The following NTNG1 variants were observed in gnomAD, a reference collection of about 807,000 sequenced individuals.
The protein encoded by NTNG1 is netrin G1.
Under a neutral mutation model 54.0 loss-of-function variants are expected in NTNG1, and 16 were observed. The ratio of observed to expected loss-of-function variants is 0.30; its 90% confidence interval spans 0.20 to 0.45. The LOEUF is 0.45. NTNG1 is among the 20% of genes least tolerant of loss of function. The pLI, the probability that NTNG1 is intolerant of heterozygous loss-of-function variation, is 1.00. For missense variants in NTNG1, 530 were observed against 678.7 expected, an observed-to-expected ratio of 0.78 and a Z score of 2.43; for synonymous variants, 255 against 263.1, an observed-to-expected ratio of 0.97 and a Z score of 0.30.
chr1:107,274,222 T>A (rs1664328162), intron 2 of NTNG1, among the ~76,000 whole-genome samples: 1 of 152,188 alleles, frequency 6.6e-6, no homozygotes, highest in African/African-American at 2.4e-5. Flanking sequence ...CCAGGGCCCA[T>A]TCTGGGAAAA....
At chr1:107,342,849 G>A (rs962114596) in intron 3 of NTNG1, among the ~76,000 whole-genome samples, 1 of 151,756 alleles carries the variant, frequency 6.6e-6, no homozygotes, top group Non-Finnish European at 1.5e-5. Context: ...GATTTAGAAC[G>A]ACCAATAAAT....
At chr1:107,422,920 T>A (rs996537003) in intron 5 of NTNG1, among the ~76,000 whole-genome samples, 1 of 152,106 alleles carries the variant, frequency 6.6e-6, no homozygotes, top group Admixed American at 6.6e-5. Context: ...AAAACGAGGA[T>A]GCAAAGGAGA....
chr1:107,230,868 C>T (rs760994739), intron 2 of NTNG1, among the ~76,000 whole-genome samples: 37 of 152,086 alleles, frequency 2.4e-4, no homozygotes, highest in Non-Finnish European at 4.4e-4. Flanking sequence ...GCAGTACTAA[C>T]GAATTTCAAA....
chr1:107,430,603 C>T, intron 5 of NTNG1, 147 bp from the exon 6 acceptor site: 2 of 833,480 alleles, frequency 2.4e-6, no homozygotes, highest in Middle Eastern at 2.2e-4. Flanking sequence ...TCACAACCAC[C>T]TGTTGCCACC....
Position 107,324,502 on chromosome 1 carries a change from G to A in NTNG1, c.467G>A (p.Arg156His), listed in dbSNP as rs761581197. 2 of 1,613,716 alleles carry A rather than the reference G, an allele frequency of 1.2e-6. No homozygotes were observed. Among genetic ancestry groups the A allele is most frequent in the Admixed American group, 3.3e-5 (2 of 59,912 alleles). Residue 156 changes from arginine (R) to histidine (H), a missense_variant, in exon 3 of 8, where the codon CGT becomes CAT. By Grantham distance (29) the Arg-to-His change is conservative. Around this residue, in one of 2 missense-constraint regions of NTNG1, gnomAD observed 318 missense variants for 465.1 expected, o/e 0.68. Coordinates refer to ENST00000370068, the MANE Select transcript of NTNG1 (RefSeq NM_001113226.3). ...DNIVITFESGRPDQMILEKSL... is the reference protein window; with the variant it reads ...DNIVITFESGHPDQMILEKSL... Reference sequence around the variant, plus strand: ...ATAGTTATTACCTTTGAATCTGGGCGTCCAGACCAAATGATCCTGGAGAAG... The same window carrying A: ...ATAGTTATTACCTTTGAATCTGGGCATCCAGACCAAATGATCCTGGAGAAG...
intron 2 of NTNG1, among the ~76,000 whole-genome samples, chr1:107,272,260 G>T (rs1004926111): frequency 2.6e-5 from 4 of 152,022 alleles, no homozygotes; most frequent in Non-Finnish European, 5.9e-5. Flanking sequence ...ACTTTCCTCA[G>T]TCTCTTTCTC....
chr1:107,318,980 C>A (rs1392423478), intron 2 of NTNG1, among the ~76,000 whole-genome samples: 1 of 152,074 alleles, frequency 6.6e-6, no homozygotes, highest in Non-Finnish European at 1.5e-5. Flanking sequence ...GTCATCAGGG[C>A]TTGTTAGTAT....
chr1:107,361,387 A>ATTTT (rs1318405346), intron 3 of NTNG1, among the ~76,000 whole-genome samples: 94 of 76,704 alleles, frequency 1.2e-3, no homozygotes, highest in African/African-American at 3.6e-3. Context: ...ATATATATAT[A>ATTTT]TATATTTTTT....
intron 2 of NTNG1, among the ~76,000 whole-genome samples, chr1:107,244,809 G>A (rs1164583899): frequency 6.6e-6 from 1 of 152,148 alleles, no homozygotes; most frequent in East Asian, 1.9e-4. Flanking sequence ...GACCTTGACT[G>A]TGGCACGGTC....
intron 7 of NTNG1, among the ~76,000 whole-genome samples, chr1:107,443,431 A>G (rs1570973313): frequency 6.6e-6 from 1 of 151,610 alleles, no homozygotes; most frequent in Non-Finnish European, 1.5e-5. Flanking sequence ...GGGATTAACT[A>G]CTACAGTCCT....
At chr1:107,310,007 C>G (rs557698036) in intron 2 of NTNG1, among the ~76,000 whole-genome samples, 61 of 152,220 alleles carry the variant, frequency 4.0e-4, no homozygotes, top group African/African-American at 1.4e-3. Context: ...ATACCCGACT[C>G]CTAGGGAACC....
rs1004778250 is a variant in NTNG1, at chr1:107,219,923, G to A, written c.246+71084G>A. ...AGAGCACATTAGTTGCAGTAGTATA[G>A]GGAGGATCAGGCAGTGGGTGGGGCC... On this transcript the variant is annotated intron_variant, in intron 2 of 7. Transcript: ENST00000370068. Among the ~76,000 whole-genome samples the A allele has an allele frequency of 3.9e-5, 6 of 152,132 alleles. No individual in the cohort carries two copies. The East Asian group carries it at 1.2e-3, about 29-fold the overall frequency.
chr1:107,351,213 G>A (rs1236241004), intron 3 of NTNG1, among the ~76,000 whole-genome samples: 2 of 152,094 alleles, frequency 1.3e-5, no homozygotes, highest in Non-Finnish European at 2.9e-5. Context: ...AAATGTTTTA[G>A]GATTTTGCCA....
intron 3 of NTNG1, among the ~76,000 whole-genome samples, chr1:107,383,813 T>C (rs1671785749): frequency 6.6e-6 from 1 of 152,240 alleles, no homozygotes; most frequent in Admixed American, 6.5e-5. Context: ...TTTGTATTTC[T>C]GGGGCTGGAA....
In NTNG1 at chr1:107,481,224, G is replaced by GGT. The variant is rs1678695742; in HGVS notation, c.*384_*385insGT. On this transcript the variant is annotated 3_prime_UTR_variant, in exon 8 of 8. Coordinates refer to ENST00000370068, the MANE Select transcript of NTNG1 (RefSeq NM_001113226.3). ...GCCCTAGTACGACTCCGCCCAGTGT[G>GGT]TGGACCAACCAAATAGCATTCTTTG... 4.5e-6 allele frequency: 1 copy of GGT among 221,056 alleles called. No homozygotes were observed. Among genetic ancestry groups the GGT allele is most frequent in the African/African-American group, 2.3e-5 (1 of 44,356 alleles). 13.7% of individuals were successfully genotyped at this position (221,056 alleles called of 1,614,324 possible). A position where few individuals can be genotyped will look rare whatever the true frequency, so the allele number is the denominator to read the frequency against.
chr1:107,264,231 C>G (rs1271548962), intron 2 of NTNG1, among the ~76,000 whole-genome samples: 2 of 152,262 alleles, frequency 1.3e-5, no homozygotes, highest in South Asian at 2.1e-4. Context: ...TTTTTCCACC[C>G]TGGTGCACAT....
At chr1:107,452,708 CCCCTTTGACCTTCT>C (rs1388414396) in intron 7 of NTNG1, among the ~76,000 whole-genome samples, 5 of 152,164 alleles carry the variant, frequency 3.3e-5, no homozygotes, top group African/African-American at 1.2e-4. Context: ...GTGTCTGCTT[CCCCTTTGACCTTCT>C]CTGCCATGAT....
chr1:107,231,209 T>A (rs1661043739), intron 2 of NTNG1, among the ~76,000 whole-genome samples: 1 of 152,156 alleles, frequency 6.6e-6, no homozygotes, highest in African/African-American at 2.4e-5. Context: ...GCCATGATGA[T>A]CATCATAAAA....
chr1:107,290,218 G>T (rs922354996), intron 2 of NTNG1, among the ~76,000 whole-genome samples: 21 of 152,104 alleles, frequency 1.4e-4, no homozygotes, highest in African/African-American at 5.1e-4. Context: ...CCACTTAAGG[G>T]TATACATACT....
Sources: gnomAD v4.1 joint callset for allele counts (sites outside exome capture counted in the v4.1 genomes callset) on GRCh38, gnomAD v4.1.1 for gene constraint, gnomAD v4.1.1 regional missense constraint, MANE v1.5 for transcripts, NCBI Gene and HGNC (gene_info 2026-07-23, HGNC 2026-07-21) for gene names.